The following FRRS1L variants were observed in gnomAD, a reference collection of about 807,000 sequenced individuals.
FRRS1L encodes DOMON domain-containing protein FRRS1L.
Under a neutral mutation model 28.6 loss-of-function variants are expected in FRRS1L, and 22 were observed. The ratio of observed to expected loss-of-function variants is 0.77; its 90% confidence interval spans 0.55 to 1.10. The LOEUF (loss-of-function observed/expected upper bound fraction) is 1.10. Among genes scored for constraint, FRRS1L ranks in the 50% least tolerant of loss-of-function variants. The pLI, the probability that FRRS1L is intolerant of heterozygous loss-of-function variation, is 0.00. For missense variants in FRRS1L, 380 were observed against 386.9 expected (o/e 0.98, Z 0.15); for synonymous variants, 158 against 151.4 (o/e 1.04, Z -0.32).
Position 109,136,368 on chromosome 9 carries a change from G to A in FRRS1L, c.*1087C>T, listed in dbSNP as rs943024886. On this transcript the variant is annotated 3_prime_UTR_variant, in exon 5 of 5. Transcript: ENST00000561981. ...GAAAAGTTCAAATTCTAACTGCTAA[G>A]AATTCCCTTTTTTTTTTTTTTTAAT... is the stretch of plus-strand genomic sequence containing the variant. The A allele has an allele frequency of 2.0e-5, 3 of 148,594 alleles. No individual in the cohort carries two copies. Among genetic ancestry groups the A allele is most frequent in the Non-Finnish European group, 3.0e-5 (2 of 67,338 alleles). 9.2% of individuals were successfully genotyped at this position (148,594 alleles called of 1,614,324 possible).
intron 1 of FRRS1L, among the ~76,000 whole-genome samples, chr9:109,164,100 C>T (rs935565307): frequency 6.6e-6 from 1 of 152,166 alleles, no homozygotes; most frequent in African/African-American, 2.4e-5. Context: ...TATTTCTAAG[C>T]GTCTTGGGAA....
chr9:109,152,568 G>A (rs1451461054), intron 1 of FRRS1L, among the ~76,000 whole-genome samples: 13 of 151,638 alleles, frequency 8.6e-5, no homozygotes, highest in African/African-American at 3.1e-4. Flanking sequence ...ACTTTGGGAG[G>A]CCAAGGTGGG....
chr9:109,141,287 G>A, intron 4 of FRRS1L, 56 bp downstream of exon 4: 1 of 1,596,406 alleles, frequency 6.3e-7, no homozygotes, highest in Non-Finnish European at 8.6e-7. Context: ...AATTAACAAT[G>A]AACACAAGCA....
intron 1 of FRRS1L, among the ~76,000 whole-genome samples, chr9:109,152,600 C>T (rs560758638): frequency 6.6e-6 from 1 of 150,988 alleles, no homozygotes; most frequent in Admixed American, 6.6e-5. Context: ...GTCAGGAGAT[C>T]GAGACCATCC....
chr9:109,141,321 A>G, intron 4 of FRRS1L, 22 bp downstream of exon 4: 1 of 1,612,892 alleles, frequency 6.2e-7, no homozygotes, highest in South Asian at 1.1e-5. Flanking sequence ...CGTTTAATCC[A>G]GATGCTGAAA....
intron 1 of FRRS1L, among the ~76,000 whole-genome samples, chr9:109,162,328 G>A (rs1027380038): frequency 6.6e-5 from 10 of 152,196 alleles, no homozygotes; most frequent in East Asian, 5.8e-4. Flanking sequence ...AAACAAAAAC[G>A]AAAAAGCAAT....
chr9:109,144,774 C>G (rs538517949), intron 3 of FRRS1L, among the ~76,000 whole-genome samples: 1 of 152,132 alleles, frequency 6.6e-6, no homozygotes, highest in African/African-American at 2.4e-5. Context: ...ACCTCCGCCT[C>G]CTGGGTTCAA....
At chr9:109,148,056 C>A (rs181326517) in intron 2 of FRRS1L, 1 of 151,982 alleles carries the variant, frequency 6.6e-6, no homozygotes, top group Non-Finnish European at 1.5e-5. Context: ...GCAACCTCCA[C>A]CTCTTGGGTT....
intron 1 of FRRS1L, among the ~76,000 whole-genome samples, chr9:109,155,570 A>G (rs890826297): frequency 3.3e-5 from 5 of 151,686 alleles, no homozygotes; most frequent in Non-Finnish European, 7.4e-5. Flanking sequence ...AAAAATAAAA[A>G]AAGCACACCT....
rs536961320 is a variant in FRRS1L, at chr9:109,144,073, T to A, written c.463-2484A>T. ...AGCCCTACCACGAGTGCAAATGCAT[T>A]TAGGACAGGAAGTGGTCACTTTCAA... On this transcript the variant is annotated intron_variant, in intron 3 of 4. Transcript: ENST00000561981. 1.3e-3 allele frequency among the ~76,000 whole-genome samples: 195 copies of A among 152,206 alleles called. 1 individual carries two copies. The highest frequency in any genetic ancestry group is 4.6e-3 in the African/African-American group (190 of 41,512).
intron 1 of FRRS1L, among the ~76,000 whole-genome samples, chr9:109,161,149 C>T (rs1189887448): frequency 6.6e-6 from 1 of 151,976 alleles, no homozygotes; most frequent in African/African-American, 2.4e-5. Context: ...TCCATCTCCC[C>T]TACACCTACC....
intron 1 of FRRS1L, among the ~76,000 whole-genome samples, chr9:109,165,491 C>T (rs2118519505): frequency 6.6e-6 from 1 of 152,314 alleles, no homozygotes; most frequent in South Asian, 2.1e-4. Flanking sequence ...CAGCCCCAGA[C>T]CAACCAGACT....
chr9:109,164,216 C>A (rs1016659066), intron 1 of FRRS1L, among the ~76,000 whole-genome samples: 31 of 152,152 alleles, frequency 2.0e-4, no homozygotes, highest in East Asian at 1.2e-3. Context: ...TAGCACCCAC[C>A]GGATGGTGGT....
At chr9:109,152,699 G>C (rs887465055) in intron 1 of FRRS1L, among the ~76,000 whole-genome samples, 1 of 149,638 alleles carries the variant, frequency 6.7e-6, no homozygotes, top group African/African-American at 2.5e-5. Flanking sequence ...AGCTACTCAG[G>C]AGGCTGAGGC....
At chr9:109,155,682 C>G (rs571700716) in intron 1 of FRRS1L, among the ~76,000 whole-genome samples, 1 of 136,616 alleles carries the variant, frequency 7.3e-6, no homozygotes, top group Non-Finnish European at 1.5e-5. Flanking sequence ...CCAGCCTGGG[C>G]GACAGAGCAA....
rs768363888 is a variant in FRRS1L, at chr9:109,167,010, C to G, written c.129G>C (p.Arg43=). The change falls in exon 1 of 5, where the codon CGG becomes CGC. Residue 43 remains arginine (R), a synonymous_variant. Coordinates refer to ENST00000561981, the MANE Select transcript of FRRS1L (RefSeq NM_014334.4). ...DGAGPGGRGP[R]GRARGDTGAD... Reference sequence around the variant, plus strand: ...CGCCCGTGTCCCCCCGCGCGCGTCCCCGGGGTCCCCGGCCCCCCGGGCCCG... The same window carrying G: ...CGCCCGTGTCCCCCCGCGCGCGTCCGCGGGGTCCCCGGCCCCCCGGGCCCG... The G allele has an allele frequency of 2.4e-6, 3 of 1,231,348 alleles. No individual in the cohort carries two copies. The highest frequency in any genetic ancestry group is 4.2e-5 in the Admixed American group (1 of 23,698). 76.3% of individuals were successfully genotyped at this position (1,231,348 alleles called of 1,614,324 possible).
At chr9:109,159,979 G>A (rs749832503) in intron 1 of FRRS1L, among the ~76,000 whole-genome samples, 1 of 152,126 alleles carries the variant, frequency 6.6e-6, no homozygotes, top group Admixed American at 6.5e-5. Context: ...GGAGAACCCT[G>A]ACTATACACT....
Position 109,167,021 on chromosome 9 carries a change from G to A in FRRS1L, c.118C>T (p.Arg40Trp), listed in dbSNP as rs1831562855. Residue 40 changes from arginine to tryptophan, a missense_variant, in exon 1 of 5, where the codon CGG (arginine) becomes TGG (tryptophan). Physicochemically the swap from Arg to Trp is moderately radical, Grantham distance 101. Coordinates refer to ENST00000561981, the MANE Select transcript of FRRS1L (RefSeq NM_014334.4). Reference protein sequence around the residue: ...PADDGAGPGGRGPRGRARGDT... With the variant: ...PADDGAGPGGWGPRGRARGDT... ...CCCCGCGCGCGTCCCCGGGGTCCCC[G>A]GCCCCCCGGGCCCGCACCGTCGTCC... 8.2e-7 allele frequency: 1 copy of A among 1,212,188 alleles called. No individual in the cohort carries two copies. The highest frequency in any genetic ancestry group is 1.0e-6 in the Non-Finnish European group (1 of 976,640). The allele number at this position is 1,212,188 out of a possible 1,614,324, so 75.1% of individuals were successfully genotyped here.
rs112892948 is a variant in FRRS1L at position 109,142,813 on chromosome 9, T to A, written c.463-1224A>T. The stretch of plus-strand genomic sequence containing the variant: ...TAGGGTGAGACCCTGTCTCAAAAAA[T>A]AAAAATAAAAAAAAAAATACACAAC... On this transcript the variant is annotated intron_variant, in intron 3 of 4. Coordinates refer to ENST00000561981, the MANE Select transcript of FRRS1L (RefSeq NM_014334.4). Among the ~76,000 whole-genome samples, 728 of 82,356 alleles carry A rather than the reference T, an allele frequency of 8.8e-3. 9 individuals are homozygous for A. Among genetic ancestry groups the A allele is most frequent in the African/African-American group, 0.025 (685 of 27,364 alleles). 54.0% of individuals were successfully genotyped at this position (82,356 alleles called of 152,430 possible). A position where few individuals can be genotyped will look rare whatever the true frequency, so the allele number is the denominator to read the frequency against.
Sources: allele counts gnomAD v4.1 joint callset (sites outside exome capture counted in the v4.1 genomes callset), GRCh38; gene constraint gnomAD v4.1.1; transcripts MANE v1.5; gene names NCBI Gene and HGNC (gene_info 2026-07-23, HGNC 2026-07-21).